Variants in STK35 observed in about 807,000 individuals in gnomAD.
STK35 encodes serine/threonine-protein kinase 35.
Under a neutral mutation model 37.3 loss-of-function variants are expected in STK35, and 17 were observed. That is an observed-to-expected ratio of 0.46 (90% CI 0.31 to 0.68). STK35 has a LOEUF of 0.68. STK35 is among the 30% of genes least tolerant of loss of function. The probability of loss-of-function intolerance (pLI) is 0.05; values close to 1 mark genes in which losing one functional copy is unlikely to be tolerated. For missense variants in STK35, 595 were observed against 746.7 expected, an observed-to-expected ratio of 0.80 and a Z score of 2.37; for synonymous variants, 385 against 319.1, an observed-to-expected ratio of 1.21 and a Z score of -2.20.
At chr20:2,103,485 C>A in intron 2 of STK35, 120 bp downstream of exon 2, 1 of 884,616 alleles carries the variant, frequency 1.1e-6, no homozygotes, top group South Asian at 1.8e-5. Context: ...TCACCCTGTG[C>A]CCTGACACAC....
chr20:2,144,082 G>A lies in STK35; in HGVS notation c.*336G>A, dbSNP rs192992280. 477 of 333,348 alleles carry A rather than the reference G, an allele frequency of 1.4e-3. 1 individual carries two copies. The highest frequency in any genetic ancestry group is 5.2e-3 in the Middle Eastern group (5 of 958). 20.6% of individuals were successfully genotyped at this position (333,348 alleles called of 1,614,324 possible). The stretch of plus-strand genomic sequence containing the variant: ...AATTCAATGTGGGCAAGGCATATGT[G>A]TAAATTTCACTTTTACTTTTTATAA... On this transcript the variant is annotated 3_prime_UTR_variant, in exon 4 of 4. Coordinates refer to ENST00000381482, the MANE Select transcript of STK35 (RefSeq NM_080836.4).
chr20:2,114,120 G>T (rs905077531), intron 2 of STK35, among the ~76,000 whole-genome samples: 5 of 152,054 alleles, frequency 3.3e-5, no homozygotes, highest in Admixed American at 6.6e-5. Flanking sequence ...CTGAGACCCC[G>T]TTAGACAGTC....
In STK35 at chr20:2,103,301, G is replaced by C. The variant is rs1228578070; in HGVS notation, c.828G>C (p.Gln276His). ...ECVLQRNGLA[Q>H]RMSHGNKSSQ... ...TCCTGCAGCGCAATGGGTTAGCCCA[G>C]CGCATGAGTCACGGCAACAAGAGCT... The change falls in exon 2 of 4, where the codon CAG becomes CAC. Residue 276 changes from glutamine to histidine, a missense_variant. Physicochemically the swap from Gln to His is conservative, Grantham distance 24 (BLOSUM62 0). Around this residue, in one of 3 missense-constraint regions of STK35, gnomAD observed 97 missense variants for 146.4 expected, o/e 0.66. Transcript: ENST00000381482. 1 of 1,613,022 alleles carries C rather than the reference G, an allele frequency of 6.2e-7. No homozygotes were observed. The highest frequency in any genetic ancestry group is 8.5e-7 in the Non-Finnish European group (1 of 1,179,800).
intron 3 of STK35, among the ~76,000 whole-genome samples, chr20:2,142,020 C>T (rs2122591616): frequency 6.6e-6 from 1 of 152,306 alleles, no homozygotes; most frequent in Non-Finnish European, 1.5e-5. Context: ...ACCTTTGAAG[C>T]CCTAAAAACA....
chr20:2,103,240 G>A lies in STK35; in HGVS notation c.767G>A (p.Arg256Gln), dbSNP rs1985442814. 6.2e-7 allele frequency: 1 copy of A among 1,613,110 alleles called. No individual in the cohort carries two copies. Among genetic ancestry groups the A allele is most frequent in the Non-Finnish European group, 8.5e-7 (1 of 1,179,878 alleles). Residue 256 changes from arginine (R) to glutamine (Q), a missense_variant, in exon 2 of 4, where the codon CGG (arginine) becomes CAG (glutamine). Physicochemically the swap from Arg to Gln is conservative, Grantham distance 43. This residue lies in a region of STK35 where 97 missense variants were observed against 146.4 expected (regional missense o/e 0.66). Transcript: ENST00000381482. ...AEFWALTSLK[R>Q]RHQNVVQFEE... ...TTCTGGGCCCTCACCAGCCTCAAGCGGCGCCACCAGAACGTCGTGCAGTTT... is the reference window on the plus strand; with the variant it reads ...TTCTGGGCCCTCACCAGCCTCAAGCAGCGCCACCAGAACGTCGTGCAGTTT...
At chr20:2,116,579 A>T in intron 2 of STK35, 87 bp from the exon 3 acceptor site, 1 of 1,400,098 alleles carries the variant, frequency 7.1e-7, no homozygotes. Context: ...CACCAATGTC[A>T]CTCTTGAATA....
chr20:2,140,503 C>A (rs184125197), intron 3 of STK35, among the ~76,000 whole-genome samples: 245 of 152,366 alleles, frequency 1.6e-3, no homozygotes, highest in Middle Eastern at 0.01. Flanking sequence ...AGCGCCTCCA[C>A]TACCTTCGGT....
chr20:2,103,341 C>A lies in STK35; in HGVS notation c.868C>A (p.Arg290Ser), dbSNP rs781569408. ...HGNKSSQLYL[R>S]LVETSLKGER... ...CAACAAGAGCTCGCAGCTTTACCTG[C>A]GCCTGGTGGAGACCTCGCTGAAAGG... Residue 290 changes from arginine (R) to serine (S), a missense_variant, in exon 2 of 4, where the codon CGC becomes AGC. Physicochemically the swap from Arg to Ser is moderately radical, Grantham distance 110. Transcript: ENST00000381482. The A allele has an allele frequency of 6.2e-7, 1 of 1,612,168 alleles. No homozygotes were observed. Among genetic ancestry groups the A allele is most frequent in the Non-Finnish European group, 8.5e-7 (1 of 1,179,230 alleles).
chr20:2,107,507 C>T (rs1044942924), intron 2 of STK35, among the ~76,000 whole-genome samples: 16 of 152,158 alleles, frequency 1.1e-4, no homozygotes, highest in Admixed American at 3.3e-4. Context: ...TTTTTCTCCA[C>T]GAGGCATGCA....
intron 3 of STK35, among the ~76,000 whole-genome samples, chr20:2,124,263 G>T (rs895534826): frequency 6.6e-6 from 1 of 152,166 alleles, no homozygotes; most frequent in Non-Finnish European, 1.5e-5. Flanking sequence ...CTCCTACTCT[G>T]CAAAGGTCCA....
At position 2,117,401 on chromosome 20, in the gene STK35, G is replaced by A. The variant is rs777582096; in HGVS notation, c.*23G>A. ...TAAAATTCAGGGCTAAGCATTTTGG[G>A]TGATTTTAAACTAGGTGAGTGCTCT... On this transcript the variant is annotated 3_prime_UTR_variant, in exon 3 of 4. Transcript: ENST00000381482. This position sits in a 1 kb window ranked among gnomAD's most constrained non-coding sequence, Gnocchi z 4.4. The A allele has an allele frequency of 6.4e-6, 10 of 1,565,500 alleles. No individual in the cohort carries two copies. Among genetic ancestry groups the A allele is most frequent in the Middle Eastern group, 3.8e-4 (2 of 5,290 alleles).
chr20:2,120,156 G>GC (rs1173642495), intron 3 of STK35, among the ~76,000 whole-genome samples: 1 of 152,150 alleles, frequency 6.6e-6, no homozygotes, highest in East Asian at 1.9e-4. Context: ...ATTTGCTCTG[G>GC]CATAGGAAGG....
In STK35 at chr20:2,122,776, T is replaced by C. The variant is rs532700975; in HGVS notation, c.*37+5361T>C. Among the ~76,000 whole-genome samples, 92 of 152,344 alleles carry C rather than the reference T, an allele frequency of 6.0e-4. 1 individual carries two copies. The South Asian group carries it at 0.019, about 31-fold the overall frequency. On this transcript the variant is annotated intron_variant, in intron 3 of 3. Coordinates refer to ENST00000381482, the MANE Select transcript of STK35 (RefSeq NM_080836.4). The stretch of plus-strand genomic sequence containing the variant: ...CCATACTTTGGCCTAGGTAGAAGTA[T>C]TGGCTTCCATTTCCCTCTGAAGACA...
chr20:2,105,377 C>T (rs1985494865), intron 2 of STK35, among the ~76,000 whole-genome samples: 1 of 152,172 alleles, frequency 6.6e-6, no homozygotes, highest in South Asian at 2.1e-4. Flanking sequence ...TGACGCCAGT[C>T]TCGAACCTTC....
At chr20:2,136,602 T>C (rs2122583810) in intron 3 of STK35, among the ~76,000 whole-genome samples, 1 of 152,338 alleles carries the variant, frequency 6.6e-6, no homozygotes, top group Non-Finnish European at 1.5e-5. Context: ...TTTATAATCA[T>C]GTGTTTATGT....
At chr20:2,113,433 G>A (rs1052905068) in intron 2 of STK35, among the ~76,000 whole-genome samples, 2 of 152,228 alleles carry the variant, frequency 1.3e-5, no homozygotes, top group Admixed American at 6.5e-5. Context: ...ATAGACTGGT[G>A]TTGCAGCTAG....
chr20:2,120,038 A>G (rs1038858997), intron 3 of STK35, among the ~76,000 whole-genome samples: 2 of 152,220 alleles, frequency 1.3e-5, no homozygotes, highest in Non-Finnish European at 2.9e-5. Flanking sequence ...GTAGTGCTAT[A>G]TTAGAAACCA....
chr20:2,135,102 C>G (rs115832057), intron 3 of STK35, among the ~76,000 whole-genome samples: 1,839 of 152,270 alleles, frequency 0.012, 37 homozygotes, highest in African/African-American at 0.04. Flanking sequence ...AGGTTTCCCA[C>G]ATTTACTCTT....
chr20:2,135,177 T>C (rs1029944598), intron 3 of STK35, among the ~76,000 whole-genome samples: 8 of 152,256 alleles, frequency 5.3e-5, no homozygotes, highest in African/African-American at 1.7e-4. Context: ...GGTTGCCTCC[T>C]GGGAGCACAT....
Sources: allele counts gnomAD v4.1 joint callset (sites outside exome capture counted in the v4.1 genomes callset), GRCh38; gene constraint gnomAD v4.1.1; regional missense constraint gnomAD v4.1.1; non-coding constraint Gnocchi (gnomAD v3.1); transcripts MANE v1.5; gene names NCBI Gene and HGNC (gene_info 2026-07-23, HGNC 2026-07-21).